Variants in MARCHF1 observed in about 807,000 individuals in gnomAD.
MARCHF1 encodes membrane associated ring-CH-type finger 1, also known as E3 ubiquitin-protein ligase MARCHF1.
A neutral mutation model predicts 54.2 loss-of-function variants in MARCHF1; 40 were observed. That is an observed-to-expected ratio of 0.74 (90% CI 0.57 to 0.96). The LOEUF is 0.96. MARCHF1 is among the 40% of genes least tolerant of loss of function. The pLI, the probability that MARCHF1 is intolerant of heterozygous loss-of-function variation, is 0.00. For missense variants in MARCHF1, 586 were observed against 656.5 expected, an observed-to-expected ratio of 0.89 and a Z score of 1.17; for synonymous variants, 236 against 236.3, an observed-to-expected ratio of 1.00 and a Z score of 0.01.
At chr4:163,573,733 C>T (rs1401193118) in intron 8 of MARCHF1, among the ~76,000 whole-genome samples, 3 of 151,560 alleles carry the variant, frequency 2.0e-5, no homozygotes, top group South Asian at 2.1e-4. Context: ...TTGGGTTGGT[C>T]CCAAGTCTTT....
intron 1 of MARCHF1, among the ~76,000 whole-genome samples, chr4:164,200,481 GTTTA>G (rs1209734058): frequency 1.3e-5 from 2 of 152,074 alleles, no homozygotes; most frequent in Non-Finnish European, 2.9e-5. Flanking sequence ...ACTGGTTCAA[GTTTA>G]TTTATTTTTC....
At chr4:163,994,649 A>T (rs1402916839) in intron 2 of MARCHF1, among the ~76,000 whole-genome samples, 1 of 151,754 alleles carries the variant, frequency 6.6e-6, no homozygotes, top group Admixed American at 6.6e-5. Flanking sequence ...GCATCAGAGA[A>T]TTAAAAACTA....
chr4:164,230,188 G>T (rs1207175872), intron 1 of MARCHF1, among the ~76,000 whole-genome samples: 1 of 152,106 alleles, frequency 6.6e-6, no homozygotes, highest in Non-Finnish European at 1.5e-5. Context: ...CTGAGGTCAG[G>T]AGTTTGAGAC....
chr4:163,975,281 A>G (rs1448050560), intron 3 of MARCHF1, among the ~76,000 whole-genome samples: 1 of 151,940 alleles, frequency 6.6e-6, no homozygotes, highest in Non-Finnish European at 1.5e-5. Context: ...AGACTTTGAG[A>G]AGAAATTATT....
At chr4:164,061,949 C>A (rs1246115064) in intron 2 of MARCHF1, among the ~76,000 whole-genome samples, 2 of 152,134 alleles carry the variant, frequency 1.3e-5, no homozygotes, top group Non-Finnish European at 2.9e-5. Context: ...TCCACATTAA[C>A]TGACTCTTCC....
intron 2 of MARCHF1, among the ~76,000 whole-genome samples, chr4:164,016,979 C>T (rs1026667743): frequency 2.0e-5 from 3 of 151,828 alleles, no homozygotes; most frequent in Non-Finnish European, 4.4e-5. Flanking sequence ...GGAAAAAACC[C>T]TCATGAACCT....
intron 3 of MARCHF1, among the ~76,000 whole-genome samples, chr4:163,867,405 CCTAT>C (rs1421516082): frequency 6.6e-6 from 1 of 151,778 alleles, no homozygotes; most frequent in African/African-American, 2.4e-5. Context: ...TATACGGAGG[CCTAT>C]CTGTGGATTT....
At chr4:164,140,992 G>C (rs1285948181) in intron 1 of MARCHF1, among the ~76,000 whole-genome samples, 1 of 152,188 alleles carries the variant, frequency 6.6e-6, no homozygotes, top group Non-Finnish European at 1.5e-5. Flanking sequence ...CCCACGTGTT[G>C]AGAGGTTCTC....
chr4:163,821,259 T>C (rs1265024304), intron 4 of MARCHF1, among the ~76,000 whole-genome samples: 2 of 152,070 alleles, frequency 1.3e-5, no homozygotes, highest in Non-Finnish European at 2.9e-5. Context: ...CCTTATTTTC[T>C]AATTGTATTC....
chr4:164,086,652 T>C (rs1333637281), intron 2 of MARCHF1, among the ~76,000 whole-genome samples: 1 of 152,078 alleles, frequency 6.6e-6, no homozygotes, highest in African/African-American at 2.4e-5. Flanking sequence ...GAAAAATTCA[T>C]ACTCTGTGTT....
chr4:163,562,683 A>T (rs1242359285), intron 8 of MARCHF1, among the ~76,000 whole-genome samples: 1 of 152,148 alleles, frequency 6.6e-6, no homozygotes, highest in African/African-American at 2.4e-5. Flanking sequence ...CACTTCTGTC[A>T]GTCCAGACTC....
chr4:163,647,070 T>C (rs1319977263), intron 5 of MARCHF1, among the ~76,000 whole-genome samples: 1 of 152,096 alleles, frequency 6.6e-6, no homozygotes, highest in African/African-American at 2.4e-5. Flanking sequence ...TGGGAAAAGA[T>C]ATTCCATGCA....
chr4:163,972,926 T>G (rs1752576978), intron 3 of MARCHF1, among the ~76,000 whole-genome samples: 1 of 152,158 alleles, frequency 6.6e-6, no homozygotes, highest in South Asian at 2.1e-4. Flanking sequence ...GAATAAGAAT[T>G]AGTTACTAAC....
chr4:163,908,918 G>T lies in MARCHF1; in HGVS notation c.-38-54749C>A, dbSNP rs546165381. 6.6e-5 allele frequency among the ~76,000 whole-genome samples: 10 copies of T among 152,154 alleles called. No homozygotes were observed. In the South Asian group the frequency reaches 1.2e-3, roughly 19 times the overall value. On this transcript the variant is annotated intron_variant, in intron 3 of 9. Coordinates refer to ENST00000514618, the MANE Select transcript of MARCHF1 (RefSeq NM_001394959.1). ...GAATAATATAAGATCTGTCACAATC[G>T]TATCTACTGGGGACCAATAGGATTC...
intron 2 of MARCHF1, among the ~76,000 whole-genome samples, chr4:164,018,412 T>C (rs1753591947): frequency 6.6e-6 from 1 of 151,914 alleles, no homozygotes; most frequent in Non-Finnish European, 1.5e-5. Context: ...TATCTATATA[T>C]TTATACCTTA....
intron 2 of MARCHF1, among the ~76,000 whole-genome samples, chr4:164,081,155 C>A (rs1282685229): frequency 8.0e-6 from 1 of 125,668 alleles, no homozygotes; most frequent in Non-Finnish European, 1.6e-5. Context: ...TTGCAGTGAG[C>A]CGAGATCGCG....
At chr4:163,798,270 G>T (rs1437405698) in intron 4 of MARCHF1, among the ~76,000 whole-genome samples, 1 of 152,156 alleles carries the variant, frequency 6.6e-6, no homozygotes, top group Admixed American at 6.5e-5. Flanking sequence ...GATAAAGCAA[G>T]AAGACAACCG....
intron 1 of MARCHF1, among the ~76,000 whole-genome samples, chr4:164,241,993 A>C (rs542558679): frequency 6.6e-6 from 1 of 152,312 alleles, no homozygotes; most frequent in South Asian, 2.1e-4. Flanking sequence ...ACGGAGACTC[A>C]CTGATTGCTA....
At chr4:163,819,055 A>G (rs1471537549) in intron 4 of MARCHF1, among the ~76,000 whole-genome samples, 2 of 152,068 alleles carry the variant, frequency 1.3e-5, no homozygotes, top group African/African-American at 4.8e-5. Context: ...TGGCCTCCAT[A>G]TCTCCAATGC....
Sources: allele counts gnomAD v4.1 joint callset (sites outside exome capture counted in the v4.1 genomes callset), GRCh38; gene constraint gnomAD v4.1.1; transcripts MANE v1.5; gene names NCBI Gene and HGNC (gene_info 2026-07-23, HGNC 2026-07-21).